CACNA2D3: variants seen among roughly 807,000 people sequenced by gnomAD.
CACNA2D3 encodes the protein calcium voltage-gated channel auxiliary subunit alpha2delta 3.
CACNA2D3 carries 60 observed loss-of-function variants against 160.6 expected under a neutral mutation model. The ratio of observed to expected loss-of-function variants is 0.37; its 90% CI spans 0.30 to 0.46. The LOEUF (loss-of-function observed/expected upper bound fraction) is 0.46, where lower values mean the gene tolerates loss of function less well. Ranked by LOEUF, CACNA2D3 falls within the 20% of genes least tolerant of loss-of-function variation. The pLI, the probability that CACNA2D3 is intolerant of heterozygous loss-of-function variation, is 1.00. For synonymous variants in CACNA2D3, 558 were observed against 492.9 expected (o/e 1.13, Z -1.75); for missense variants, 1,205 against 1,365.0 (o/e 0.88, Z 1.85).
chr3:54,391,504 C>G (rs892119032), intron 4 of CACNA2D3, among the ~76,000 whole-genome samples: 2 of 150,164 alleles, frequency 1.3e-5, no homozygotes, highest in Non-Finnish European at 3.0e-5. Context: ...TTCTTTCTTT[C>G]TTTCTTTCTT....
At chr3:54,906,722 T>A (rs1700456245) in intron 27 of CACNA2D3, among the ~76,000 whole-genome samples, 1 of 152,192 alleles carries the variant, frequency 6.6e-6, no homozygotes. Context: ...ATGTCAACTA[T>A]GAGATGGGAC....
chr3:54,284,068 C>CA (rs748437749), intron 2 of CACNA2D3, among the ~76,000 whole-genome samples: 1 of 151,836 alleles, frequency 6.6e-6, no homozygotes, highest in South Asian at 2.1e-4. Flanking sequence ...TCTCAAAAAA[C>CA]AAAAAACAAA....
At chr3:55,054,301 G>T (rs903382745) in intron 35 of CACNA2D3, among the ~76,000 whole-genome samples, 3 of 151,702 alleles carry the variant, frequency 2.0e-5, no homozygotes, top group Non-Finnish European at 4.4e-5. Context: ...CTATTTTACT[G>T]CTTACTGAGC....
At chr3:54,405,269 T>TAAA (rs34019072) in intron 4 of CACNA2D3, among the ~76,000 whole-genome samples, 4 of 100,912 alleles carry the variant, frequency 4.0e-5, no homozygotes, top group African/African-American at 1.1e-4. Context: ...TACTACTCAG[T>TAAA]AAAAAAAAAA....
At chr3:54,425,626 G>A (rs1251483214) in intron 4 of CACNA2D3, among the ~76,000 whole-genome samples, 1 of 152,216 alleles carries the variant, frequency 6.6e-6, no homozygotes, top group African/African-American at 2.4e-5. Flanking sequence ...AAGGCAGAGT[G>A]GGTTCGGGTT....
rs1326931243 is a variant in CACNA2D3 at position 54,736,255 on chromosome 3, G to A, written c.1168-16344G>A. Among the ~76,000 whole-genome samples the A allele has an allele frequency of 2.7e-5, 4 of 150,114 alleles. No individual in the cohort carries two copies. In the South Asian group the frequency reaches 8.4e-4, roughly 32 times the overall value. On this transcript the variant is annotated intron_variant, in intron 11 of 37. Coordinates refer to ENST00000474759, the MANE Select transcript of CACNA2D3 (RefSeq NM_018398.3). ...ATGTCTTTCCAAGTCATTAGCAATC[G>A]GCTTTGCCATTATTTGTGATGGCTT...
At chr3:54,603,877 T>TAA (rs140319667) in intron 9 of CACNA2D3, among the ~76,000 whole-genome samples, 1 of 147,502 alleles carries the variant, frequency 6.8e-6, no homozygotes, top group Admixed American at 6.8e-5. Context: ...ATGCATGCTT[T>TAA]AAAAAAAAAA....
intron 6 of CACNA2D3, among the ~76,000 whole-genome samples, chr3:54,569,330 G>A (rs770885882): frequency 3.9e-5 from 6 of 152,148 alleles, no homozygotes; most frequent in Non-Finnish European, 8.8e-5. Flanking sequence ...ACAGACCCGT[G>A]TATATCCTTA....
chr3:54,814,773 A>G (rs371148174), intron 13 of CACNA2D3, among the ~76,000 whole-genome samples: 218 of 152,272 alleles, frequency 1.4e-3, no homozygotes, highest in Admixed American at 4.1e-3. Context: ...GCTTAAATGG[A>G]TGAGTCAAAA....
intron 2 of CACNA2D3, among the ~76,000 whole-genome samples, chr3:54,173,177 G>T (rs1700608809): frequency 6.6e-6 from 1 of 152,202 alleles, no homozygotes; most frequent in Admixed American, 6.5e-5. Context: ...TCAGAGTGGA[G>T]AAAACTGTTT....
chr3:55,005,018 G>A (rs568541463), intron 32 of CACNA2D3, among the ~76,000 whole-genome samples, 180 bp downstream of exon 32: 8 of 151,306 alleles, frequency 5.3e-5, no homozygotes, highest in South Asian at 2.1e-4. Context: ...GCTCATGCCC[G>A]TAATCCCAGC....
Position 54,198,805 on chromosome 3 carries a change from G to A in CACNA2D3, c.204+75211G>A, listed in dbSNP as rs567525176. On this transcript the variant is annotated intron_variant, in intron 2 of 37. Coordinates refer to ENST00000474759, the MANE Select transcript of CACNA2D3 (RefSeq NM_018398.3). Reference sequence around the variant, plus strand: ...TAGCCAGACCTCCCTGCAGCTAGACGCTGAGTGCACAGGTCTGGTCGGCAC... The same window carrying A: ...TAGCCAGACCTCCCTGCAGCTAGACACTGAGTGCACAGGTCTGGTCGGCAC... 5.5e-4 allele frequency among the ~76,000 whole-genome samples: 84 copies of A among 152,360 alleles called. 2 individuals carry two copies. In the Middle Eastern group the frequency reaches 0.017, roughly 31 times the overall value.
chr3:54,881,925 G>T (rs894194097), intron 21 of CACNA2D3, among the ~76,000 whole-genome samples: 9 of 152,190 alleles, frequency 5.9e-5, no homozygotes, highest in Non-Finnish European at 8.8e-5. Flanking sequence ...ACTGCCAGTG[G>T]TCCCTGCCCG....
intron 3 of CACNA2D3, among the ~76,000 whole-genome samples, chr3:54,372,427 G>A (rs931499308): frequency 6.6e-6 from 1 of 152,150 alleles, no homozygotes; most frequent in Non-Finnish European, 1.5e-5. Context: ...CCTGCTGCAG[G>A]ATGTAGGGTG....
chr3:54,406,237 C>T (rs997946542), intron 4 of CACNA2D3, among the ~76,000 whole-genome samples: 2 of 152,004 alleles, frequency 1.3e-5, no homozygotes, highest in African/African-American at 2.4e-5. Context: ...AGAAAGATAC[C>T]TGCAGTCACA....
chr3:54,172,350 A>G (rs1458173133), intron 2 of CACNA2D3, among the ~76,000 whole-genome samples: 1 of 152,202 alleles, frequency 6.6e-6, no homozygotes, highest in Admixed American at 6.5e-5. Context: ...CACTGCTGCA[A>G]GCTGCTTGGA....
intron 12 of CACNA2D3, among the ~76,000 whole-genome samples, chr3:54,764,009 T>C (rs573727545): frequency 1.3e-5 from 2 of 151,266 alleles, no homozygotes; most frequent in South Asian, 4.2e-4. Context: ...TTTGCTTGAC[T>C]GTATTTTCTA....
At chr3:54,221,822 G>T (rs905395521) in intron 2 of CACNA2D3, among the ~76,000 whole-genome samples, 1 of 151,718 alleles carries the variant, frequency 6.6e-6, no homozygotes, top group Non-Finnish European at 1.5e-5. Flanking sequence ...TAAAATTATT[G>T]TACAGTTACT....
intron 10 of CACNA2D3, among the ~76,000 whole-genome samples, chr3:54,636,246 A>G (rs1327390835): frequency 6.6e-6 from 1 of 151,972 alleles, no homozygotes; most frequent in Non-Finnish European, 1.5e-5. Flanking sequence ...TCAATAAATC[A>G]AGCGTGATCA....
Sources: allele counts gnomAD v4.1 joint callset (sites outside exome capture counted in the v4.1 genomes callset), GRCh38; gene constraint gnomAD v4.1.1; transcripts MANE v1.5; gene names NCBI Gene and HGNC (gene_info 2026-07-23, HGNC 2026-07-21).